DPYSL2: variants seen among roughly 807,000 people sequenced by gnomAD.
The protein encoded by DPYSL2 is dihydropyrimidinase-related protein 2.
A neutral mutation model predicts 69.9 loss-of-function variants in DPYSL2; 13 were observed. That is an observed-to-expected ratio of 0.19 (90% CI 0.12 to 0.30). The LOEUF is 0.30. Ranked by LOEUF, DPYSL2 falls within the 10% of genes least tolerant of loss-of-function variation. The pLI is 1.00. For missense variants in DPYSL2, 587 were observed against 918.9 expected, an observed-to-expected ratio of 0.64 and a Z score of 4.67; for synonymous variants, 326 against 359.1, an observed-to-expected ratio of 0.91 and a Z score of 1.04.
At position 26,565,678 on chromosome 8, in the gene DPYSL2, A is replaced by G. The variant is rs1801136808; in HGVS notation, c.355-16291A>G. Among the ~76,000 whole-genome samples the G allele has an allele frequency of 6.6e-6, 1 of 152,240 alleles. No homozygotes were observed. Among genetic ancestry groups the G allele is most frequent in the African/African-American group, 2.4e-5 (1 of 41,466 alleles). ...GCTGCTATGATAAATAGACTCCACT[A>G]TGTATAATGACTCGAGCACAAAAGG... On this transcript the variant is annotated intron_variant, in intron 1 of 13. Transcript: ENST00000521913. The surrounding 1 kb of genome is among the most constrained non-coding windows in gnomAD (Gnocchi z 4.1).
chr8:26,521,970 A>G (rs1367326499), intron 1 of DPYSL2, among the ~76,000 whole-genome samples: 1 of 152,198 alleles, frequency 6.6e-6, no homozygotes, highest in Non-Finnish European at 1.5e-5. Flanking sequence ...GGCTATTAGG[A>G]ATAATACTGC....
Position 26,655,827 on chromosome 8 carries a change from C to A in DPYSL2, c.*121C>A. 1 of 969,918 alleles carries A rather than the reference C, an allele frequency of 1.0e-6. No homozygotes were observed. Among genetic ancestry groups the A allele is most frequent in the Non-Finnish European group, 1.4e-6 (1 of 701,150 alleles). The allele number at this position is 969,918 out of a possible 1,614,324, so 60.1% of individuals were successfully genotyped here. The stretch of plus-strand genomic sequence containing the variant: ...TTTTTTTAAGAGCCTGTGATAGTTA[C>A]TGTGGAGCAGCCAGTTCATGGGGTC... On this transcript the variant is annotated 3_prime_UTR_variant, in exon 14 of 14. Transcript: ENST00000521913.
At chr8:26,636,170 A>G (rs1052007566) in intron 8 of DPYSL2, among the ~76,000 whole-genome samples, 2 of 148,640 alleles carry the variant, frequency 1.3e-5, no homozygotes, top group African/African-American at 4.9e-5. Flanking sequence ...TAGAAATAAG[A>G]AAGCATTCAC....
intron 7 of DPYSL2, among the ~76,000 whole-genome samples, chr8:26,629,317 C>T (rs1158240739): frequency 2.6e-5 from 4 of 151,832 alleles, no homozygotes; most frequent in African/African-American, 9.7e-5. Flanking sequence ...CCTACACACA[C>T]ACACATACAC....
At chr8:26,601,512 G>A (rs931389072) in intron 3 of DPYSL2, among the ~76,000 whole-genome samples, 53 of 152,106 alleles carry the variant, frequency 3.5e-4, no homozygotes, top group African/African-American at 9.4e-4. Flanking sequence ...CAAGTAGCTG[G>A]GACTACAGGT....
At chr8:26,577,090 C>T (rs1801363342) in intron 1 of DPYSL2, 1 of 437,248 alleles carries the variant, frequency 2.3e-6, no homozygotes, top group Non-Finnish European at 4.6e-6. Flanking sequence ...GCGGGGTTTC[C>T]CATACCCCGC....
At chr8:26,540,763 G>A (rs1800666471) in intron 1 of DPYSL2, among the ~76,000 whole-genome samples, 1 of 152,042 alleles carries the variant, frequency 6.6e-6, no homozygotes, top group South Asian at 2.1e-4. Flanking sequence ...AAATTACCTA[G>A]GCATGGTGGC....
In DPYSL2 at chr8:26,535,319, T is replaced by C. The variant is rs74756009; in HGVS notation, c.354+20640T>C. On this transcript the variant is annotated intron_variant, in intron 1 of 13. Transcript: ENST00000521913. ...GCCCTACCTCCAGATACCATCACAA[T>C]AGGGATTAGATTTGGCCATGTGAAT... Among the ~76,000 whole-genome samples, 476 of 152,174 alleles carry C rather than the reference T, an allele frequency of 3.1e-3. 1 individual carries two copies. The highest frequency in any genetic ancestry group is 0.01 in the African/African-American group (427 of 41,544).
At chr8:26,570,681 T>C (rs401212) in intron 1 of DPYSL2, among the ~76,000 whole-genome samples, 136,235 of 150,182 alleles carry the variant, frequency 0.91, 62,180 homozygotes, top group East Asian at 0.99. Context: ...TTGCAGTGAG[T>C]TGAGATCACG....
rs1393510731 is a variant in DPYSL2 at position 26,564,903 on chromosome 8, T to A, written c.355-17066T>A. ...TACATTGTACCTAATGTGTAGTTTT[T>A]TTTTATGCCTAGCCCCATTCCCACC... On this transcript the variant is annotated intron_variant, in intron 1 of 13. Coordinates refer to ENST00000521913, the MANE Select transcript of DPYSL2 (RefSeq NM_001197293.3). This position sits in a 1 kb window ranked among gnomAD's most constrained non-coding sequence, Gnocchi z 4.8. Among the ~76,000 whole-genome samples the A allele has an allele frequency of 9.2e-5, 14 of 152,178 alleles. No homozygotes were observed. Among genetic ancestry groups the A allele is most frequent in the Non-Finnish European group, 1.6e-4 (11 of 68,028 alleles).
At position 26,610,064 on chromosome 8, in the gene DPYSL2, G is replaced by A. The variant is rs1802193282; in HGVS notation, c.629-14079G>A. On this transcript the variant is annotated intron_variant, in intron 3 of 13. Transcript: ENST00000521913. This position sits in a 1 kb window ranked among gnomAD's most constrained non-coding sequence, Gnocchi z 4.5. Reference sequence around the variant, plus strand: ...GTGTCCACCCCAGCCTGGGCTCCTGGTATCCCTAAGGGTTTTGGAAGAAGA... The same window carrying A: ...GTGTCCACCCCAGCCTGGGCTCCTGATATCCCTAAGGGTTTTGGAAGAAGA... Among the ~76,000 whole-genome samples, 1 of 152,194 alleles carries A rather than the reference G, an allele frequency of 6.6e-6. No homozygotes were observed. The highest frequency in any genetic ancestry group is 2.4e-5 in the African/African-American group (1 of 41,442).
chr8:26,542,915 T>C (rs547270072), intron 1 of DPYSL2, among the ~76,000 whole-genome samples: 1 of 152,310 alleles, frequency 6.6e-6, no homozygotes, highest in South Asian at 2.1e-4. Flanking sequence ...ATCATGCTTT[T>C]TCACACATCA....
In DPYSL2 at chr8:26,653,506, C is replaced by A; in HGVS notation, c.1942+109C>A. On this transcript the variant is annotated intron_variant, in intron 13 of 13. Transcript: ENST00000521913. The surrounding 1 kb of genome is among the most constrained non-coding windows in gnomAD (Gnocchi z 5.7). ...CACAGAAATAGAAGTGAATGATATT[C>A]CCTTTCTCTCCAACGTGAGAAATAC... 8.7e-7 allele frequency: 1 copy of A among 1,152,018 alleles called. No individual in the cohort carries two copies. The highest frequency in any genetic ancestry group is 1.2e-6 in the Non-Finnish European group (1 of 809,396). 71.4% of individuals were successfully genotyped at this position (1,152,018 alleles called of 1,614,324 possible). A position where few individuals can be genotyped will look rare whatever the true frequency, so the allele number is the denominator to read the frequency against.
At chr8:26,539,665 G>A (rs967016257) in intron 1 of DPYSL2, among the ~76,000 whole-genome samples, 10 of 152,180 alleles carry the variant, frequency 6.6e-5, no homozygotes, top group East Asian at 1.9e-4. Context: ...TCAGCCTCCC[G>A]AGTAGCTGGG....
chr8:26,602,028 G>A (rs951108892), intron 3 of DPYSL2, among the ~76,000 whole-genome samples: 7 of 151,924 alleles, frequency 4.6e-5, no homozygotes, highest in Admixed American at 1.3e-4. Flanking sequence ...CTGTAGTTTA[G>A]GCTTATTTAG....
intron 8 of DPYSL2, 64 bp downstream of exon 8, chr8:26,634,964 C>T (rs542156396): frequency 2.5e-6 from 4 of 1,598,178 alleles, no homozygotes; most frequent in Non-Finnish European, 3.4e-6. Context: ...GGGGGCTCCT[C>T]ACTAGGGAGG....
At chr8:26,521,068 C>T (rs1296722233) in intron 1 of DPYSL2, among the ~76,000 whole-genome samples, 1 of 152,114 alleles carries the variant, frequency 6.6e-6, no homozygotes, top group African/African-American at 2.4e-5. Context: ...AAGTCCATAA[C>T]AATCATGAAA....
At chr8:26,633,956 G>A (rs1239932384) in intron 7 of DPYSL2, among the ~76,000 whole-genome samples, 1 of 152,212 alleles carries the variant, frequency 6.6e-6, no homozygotes. Context: ...CGTGGGTGAT[G>A]CTGACTTCAT....
Position 26,591,092 on chromosome 8 carries a change from G to A in DPYSL2, c.628+7109G>A, listed in dbSNP as rs546620291. ...AATGAGCCTGACTCACTGGGGTGGT[G>A]ATCTTCCACCCCTTCAGGTGCCCTC... is the stretch of plus-strand genomic sequence containing the variant. On this transcript the variant is annotated intron_variant, in intron 3 of 13. Coordinates refer to ENST00000521913, the MANE Select transcript of DPYSL2 (RefSeq NM_001197293.3). This position sits in a 1 kb window ranked among gnomAD's most constrained non-coding sequence, Gnocchi z 5.8. 6.6e-6 allele frequency among the ~76,000 whole-genome samples: 1 copy of A among 152,312 alleles called. No homozygotes were observed. Among genetic ancestry groups the A allele is most frequent in the South Asian group, 2.1e-4 (1 of 4,828 alleles).
Sources: gnomAD v4.1 joint callset for allele counts (sites outside exome capture counted in the v4.1 genomes callset) on GRCh38, gnomAD v4.1.1 for gene constraint, Gnocchi (gnomAD v3.1) non-coding constraint, MANE v1.5 for transcripts, NCBI Gene and HGNC (gene_info 2026-07-23, HGNC 2026-07-21) for gene names.